CNTN5: variants seen among roughly 807,000 people sequenced by gnomAD.
The protein encoded by CNTN5 is contactin-5.
In CNTN5, 77 loss-of-function variants were observed where a neutral mutation model predicts 129.1. The observed-to-expected ratio is 0.60, with a 90% confidence interval of 0.50 to 0.72. CNTN5 has a LOEUF of 0.72. Among genes scored for constraint, CNTN5 ranks in the 30% least tolerant of loss-of-function variants. The probability of loss-of-function intolerance (pLI) is 0.00; values close to 1 mark genes in which losing one functional copy is unlikely to be tolerated. For synonymous variants in CNTN5, 509 were observed against 465.6 expected (o/e 1.09, Z -1.20); for missense variants, 1,478 against 1,328.8 (o/e 1.11, Z -1.75).
chr11:99,917,367 C>T (rs547319750), intron 7 of CNTN5, among the ~76,000 whole-genome samples: 1 of 152,136 alleles, frequency 6.6e-6, no homozygotes, highest in South Asian at 2.1e-4. Flanking sequence ...TCTTTCAAGA[C>T]AACATCTGTT....
At chr11:99,574,704 C>T (rs527396657) in intron 3 of CNTN5, among the ~76,000 whole-genome samples, 1 of 152,052 alleles carries the variant, frequency 6.6e-6, no homozygotes, top group Admixed American at 6.5e-5. Flanking sequence ...ACATAAATGC[C>T]TTTCTTTTGA....
At chr11:99,901,571 GC>G (rs1437635183) in intron 6 of CNTN5, among the ~76,000 whole-genome samples, 4 of 152,052 alleles carry the variant, frequency 2.6e-5, no homozygotes, top group African/African-American at 9.7e-5. Context: ...GTGATTACAG[GC>G]ACGAGCCACC....
rs79534373 is a variant in CNTN5, at chr11:100,041,233, C to T, written c.981-19979C>T. On this transcript the variant is annotated intron_variant, in intron 9 of 24. Transcript: ENST00000524871. ...TCTCTCTTCCTTGTCTAAATAACTC[C>T]TACCAATTATGCAAGTCTGAACAAA... Among the ~76,000 whole-genome samples, 139 of 152,216 alleles carry T rather than the reference C, an allele frequency of 9.1e-4. 1 individual carries two copies. In the East Asian group the frequency reaches 9.7e-3, roughly 11 times the overall value.
intron 20 of CNTN5, 113 bp downstream of exon 20, chr11:100,299,509 C>T: frequency 1.7e-6 from 1 of 603,544 alleles, no homozygotes; most frequent in East Asian, 3.2e-5. Context: ...TAAACTCATT[C>T]ATAATCTCAC....
At chr11:100,088,992 T>A (rs1944654743) in intron 13 of CNTN5, among the ~76,000 whole-genome samples, 1 of 152,044 alleles carries the variant, frequency 6.6e-6, no homozygotes, top group Non-Finnish European at 1.5e-5. Flanking sequence ...CTAAATATAC[T>A]AGCAAACCTA....
At chr11:99,038,926 A>G (rs1863871435) in intron 1 of CNTN5, among the ~76,000 whole-genome samples, 1 of 152,088 alleles carries the variant, frequency 6.6e-6, no homozygotes, top group Non-Finnish European at 1.5e-5. Context: ...CCCATCTGTA[A>G]TTGAAATAAA....
intron 1 of CNTN5, among the ~76,000 whole-genome samples, chr11:99,145,605 T>C (rs965301286): frequency 6.6e-6 from 1 of 152,172 alleles, no homozygotes; most frequent in African/African-American, 2.4e-5. Context: ...GAGTTGCATC[T>C]AGTTTTAAAT....
intron 2 of CNTN5, among the ~76,000 whole-genome samples, chr11:99,479,887 T>G (rs2466893): frequency 6.6e-6 from 1 of 152,098 alleles, no homozygotes; most frequent in Non-Finnish European, 1.5e-5. Context: ...TATTTTTTTT[T>G]GTCCAGTTTA....
intron 16 of CNTN5, among the ~76,000 whole-genome samples, chr11:100,232,842 C>A (rs1263460564): frequency 2.0e-5 from 3 of 152,144 alleles, no homozygotes; most frequent in Non-Finnish European, 4.4e-5. Context: ...AGCTTCATTA[C>A]TAATAATAAA....
intron 1 of CNTN5, among the ~76,000 whole-genome samples, chr11:99,095,813 A>T (rs1166056788): frequency 1.3e-5 from 2 of 151,902 alleles, no homozygotes; most frequent in African/African-American, 2.4e-5. Context: ...AGGAGCCACG[A>T]ACTTTATGTT....
chr11:100,250,611 C>T (rs1949944970), intron 16 of CNTN5, among the ~76,000 whole-genome samples: 1 of 152,010 alleles, frequency 6.6e-6, no homozygotes, highest in Non-Finnish European at 1.5e-5. Flanking sequence ...ATTACACAGC[C>T]ACAATCAGTA....
intron 23 of CNTN5, among the ~76,000 whole-genome samples, chr11:100,347,994 A>G (rs2139031721): frequency 6.6e-6 from 1 of 152,164 alleles, no homozygotes; most frequent in Non-Finnish European, 1.5e-5. Context: ...GAGAATAGCA[A>G]TACCACAATC....
intron 1 of CNTN5, among the ~76,000 whole-genome samples, chr11:99,168,594 C>CAAAACAAAAG (rs554760557): frequency 0.058 from 8,800 of 151,706 alleles, 375 homozygotes; most frequent in African/African-American, 0.12. Context: ...CAAAACAAAA[C>CAAAACAAAAG]AAAACAAAAG....
Position 99,299,718 on chromosome 11 carries a change from G to T in CNTN5, c.-209-25628G>T, listed in dbSNP as rs185249613. Among the ~76,000 whole-genome samples the T allele has an allele frequency of 4.0e-3, 608 of 152,210 alleles. 3 individuals are homozygous for T. The highest frequency in any genetic ancestry group is 7.2e-3 in the Non-Finnish European group (492 of 67,980). On this transcript the variant is annotated intron_variant, in intron 1 of 24. Coordinates refer to ENST00000524871, the MANE Select transcript of CNTN5 (RefSeq NM_014361.4). ...CAACTCAATCCATGTTGCCGCAAAA[G>T]ACATGATTTCATACTTTTTATGGCT...
chr11:99,754,405 C>A (rs964964040), intron 3 of CNTN5, among the ~76,000 whole-genome samples: 1 of 152,160 alleles, frequency 6.6e-6, no homozygotes, highest in Non-Finnish European at 1.5e-5. Flanking sequence ...CCCTTACATT[C>A]TGAACATTTA....
At chr11:99,071,796 A>G (rs182604637) in intron 1 of CNTN5, among the ~76,000 whole-genome samples, 23 of 152,286 alleles carry the variant, frequency 1.5e-4, no homozygotes, top group African/African-American at 5.3e-4. Flanking sequence ...TGTCTTAAAC[A>G]TAGATAAATT....
chr11:99,973,976 C>A (rs1937760257), intron 8 of CNTN5, among the ~76,000 whole-genome samples: 2 of 152,096 alleles, frequency 1.3e-5, no homozygotes, highest in South Asian at 4.1e-4. Flanking sequence ...TCAGTTATAC[C>A]AATATAATCC....
intron 4 of CNTN5, among the ~76,000 whole-genome samples, chr11:99,832,536 C>T (rs1947175487): frequency 6.6e-6 from 1 of 152,130 alleles, no homozygotes. Context: ...TCTTAGAAAT[C>T]CTTGAAGGTT....
At chr11:99,982,697 G>C (rs1398390011) in intron 8 of CNTN5, among the ~76,000 whole-genome samples, 1 of 152,090 alleles carries the variant, frequency 6.6e-6, no homozygotes, top group African/African-American at 2.4e-5. Flanking sequence ...CTGGAGTGCA[G>C]TGGGGCGATC....
Sources: allele counts gnomAD v4.1 joint callset (sites outside exome capture counted in the v4.1 genomes callset), GRCh38; gene constraint gnomAD v4.1.1; transcripts MANE v1.5; gene names NCBI Gene and HGNC (gene_info 2026-07-23, HGNC 2026-07-21).